Variants in CER1 observed in about 807,000 individuals in gnomAD.
CER1 encodes the protein cerberus.
CER1 carries 10 observed loss-of-function variants against 11.8 expected under a neutral mutation model. That is an observed-to-expected ratio of 0.85 (90% CI 0.52 to 1.44). The LOEUF is 1.44. CER1 is among the 40% of genes most tolerant of loss of function. The pLI, the probability that CER1 is intolerant of heterozygous loss-of-function variation, is 0.00. For missense variants in CER1, 431 were observed against 327.0 expected (o/e 1.32, Z -2.45); for synonymous variants, 141 against 122.3 (o/e 1.15, Z -1.01).
chr9:14,722,103 A>G (rs1263004906), intron 1 of CER1, 63 bp downstream of exon 1: 1 of 1,536,268 alleles, frequency 6.5e-7, no homozygotes, highest in Non-Finnish European at 8.8e-7. Context: ...CCTACTCTCC[A>G]TCCATCCCAG....
At position 14,720,393 on chromosome 9, in the gene CER1, A is replaced by G. The variant is rs999315446; in HGVS notation, c.508-7T>C. On this transcript the variant is annotated splice_region_variant and splice_polypyrimidine_tract_variant and intron_variant, in intron 1 of 1. Transcript: ENST00000380911. Reference sequence around the variant, plus strand: ...AGCCTTCGTGGGTTATAGTCTAAAAAGCAAACACATTTCCATTACGTTATT... The same window carrying G: ...AGCCTTCGTGGGTTATAGTCTAAAAGGCAAACACATTTCCATTACGTTATT... The G allele has an allele frequency of 1.1e-5, 17 of 1,602,040 alleles. No individual in the cohort carries two copies. Among genetic ancestry groups the G allele is most frequent in the Non-Finnish European group, 1.4e-5 (16 of 1,170,984 alleles).
downstream of CER1, among the ~76,000 whole-genome samples, chr9:14,719,540 TGCCTGCCTGCCTGCCTG>T (rs1352493611): frequency 2.5e-3 from 154 of 62,682 alleles, no homozygotes; most frequent in African/African-American, 0.014. Flanking sequence ...CCTGCCTGCC[TGCCTGCCTGCCTGCCTG>T]CCTGCCTTCC....
intron 1 of CER1, 90 bp downstream of exon 1, chr9:14,722,076 T>G (rs1289428713): frequency 1.4e-6 from 2 of 1,419,010 alleles, no homozygotes; most frequent in Non-Finnish European, 1.9e-6. Flanking sequence ...AGAGTCAGGC[T>G]CCTGACAGCC....
chr9:14,720,664 C>G (rs1839997069), intron 1 of CER1, among the ~76,000 whole-genome samples: 1 of 152,164 alleles, frequency 6.6e-6, no homozygotes, highest in Non-Finnish European at 1.5e-5. Flanking sequence ...AAACCTTAAG[C>G]AATTTTGTCT....
chr9:14,722,364 C>T lies in CER1; in HGVS notation c.309G>A (p.Glu103=), dbSNP rs1840026392. The T allele has an allele frequency of 3.7e-6, 6 of 1,614,206 alleles. No individual in the cohort carries two copies. In the African/African-American group the frequency reaches 6.7e-5, roughly 18 times the overall value. The part of the protein sequence containing the change: ...EMHPSRDSDS[E]PFPPGTQSLI... Reference sequence around the variant, plus strand: ...GGGACTGGGTCCCAGGTGGGAAGGGCTCACTATCTGAGTCCCTGGATGGAT... The same window carrying T: ...GGGACTGGGTCCCAGGTGGGAAGGGTTCACTATCTGAGTCCCTGGATGGAT... The change falls in exon 1 of 2, where the codon GAG becomes GAA. Residue 103 remains glutamate, a synonymous_variant. Coordinates refer to ENST00000380911, the MANE Select transcript of CER1 (RefSeq NM_005454.3).
At position 14,722,234 on chromosome 9, in the gene CER1, C is replaced by T. The variant is rs1840023448; in HGVS notation, c.439G>A (p.Gly147Arg). Residue 147 changes from glycine (G) to arginine (R), a missense_variant, in exon 1 of 2, where the codon GGG becomes AGG. Physicochemically the swap from Gly to Arg is moderately radical, Grantham distance 125. Transcript: ENST00000380911. Reference protein sequence around the residue: ...FMFRKTPASQGVILPIKSHEV... With the variant: ...FMFRKTPASQRVILPIKSHEV... ...TGGCTTTTGATGGGCAAGATGACCC[C>T]CTGAGAAGCCGGAGTTTTTCTGAAC... 2.5e-6 allele frequency: 4 copies of T among 1,614,212 alleles called. No individual in the cohort carries two copies. The highest frequency in any genetic ancestry group is 1.1e-5 in the South Asian group (1 of 91,074).
downstream of CER1, chr9:14,719,583 C>CTTCCTTCT (rs1563780034): frequency 1.3e-4 from 17 of 135,108 alleles, no homozygotes; most frequent in South Asian, 2.2e-4. Flanking sequence ...TCCTTCCTTC[C>CTTCCTTCT]TTCCTTCCTT....
downstream of CER1, among the ~76,000 whole-genome samples, chr9:14,719,553 GCCTGCCTGCCTT>G (rs1243800827): frequency 0.098 from 12,078 of 122,882 alleles, 614 homozygotes; most frequent in African/African-American, 0.11. Flanking sequence ...CTGCCTGCCT[GCCTGCCTGCCTT>G]CCTTCCTTCC....
At position 14,720,385 on chromosome 9, in the gene CER1, G is replaced by A; in HGVS notation, c.509C>T (p.Thr170Ile). ...ETCRTVPFSQ[T>I]ITHEGCEKVV... ...TTTTTCACAGCCTTCGTGGGTTATA[G>A]TCTAAAAAGCAAACACATTTCCATT... Residue 170 changes from threonine to isoleucine, a missense_variant and splice_region_variant, in exon 2 of 2, where the codon ACT becomes ATT. By Grantham distance (89) the Thr-to-Ile change is moderately conservative. Transcript: ENST00000380911. 1 of 1,605,962 alleles carries A rather than the reference G, an allele frequency of 6.2e-7. No individual in the cohort carries two copies. The highest frequency in any genetic ancestry group is 1.9e-4 in the Middle Eastern group (1 of 5,190).
At chr9:14,719,527 G>C (rs918891264), downstream of CER1, among the ~76,000 whole-genome samples, 13 of 120,944 alleles carry the variant, frequency 1.1e-4, no homozygotes, top group African/African-American at 2.0e-4. Flanking sequence ...GCCTGCCTGC[G>C]TGCCTGCCTG....
chr9:14,722,054 T>C, intron 1 of CER1, 112 bp downstream of exon 1: 2 of 1,242,604 alleles, frequency 1.6e-6, no homozygotes, highest in Non-Finnish European at 2.2e-6. Flanking sequence ...GGACCAAATC[T>C]GTAGTTAAGC....
At chr9:14,717,910 G>C (rs1370148853), downstream of CER1, among the ~76,000 whole-genome samples, 1 of 152,166 alleles carries the variant, frequency 6.6e-6, no homozygotes, top group East Asian at 1.9e-4. Flanking sequence ...TATAGTTTTT[G>C]TGAGGATTAA....
chr9:14,720,400 A>C lies in CER1; in HGVS notation c.508-14T>G, dbSNP rs1272120703. 6.3e-7 allele frequency: 1 copy of C among 1,596,848 alleles called. No homozygotes were observed. Among genetic ancestry groups the C allele is most frequent in the Non-Finnish European group, 8.6e-7 (1 of 1,166,988 alleles). On this transcript the variant is annotated splice_polypyrimidine_tract_variant and intron_variant, in intron 1 of 1. Transcript: ENST00000380911. ...GTGGGTTATAGTCTAAAAAGCAAAC[A>C]CATTTCCATTACGTTATTTTGAATT... is the stretch of plus-strand genomic sequence containing the variant.
In CER1 at chr9:14,719,818, C is replaced by A; in HGVS notation, c.*272G>T. On this transcript the variant is annotated 3_prime_UTR_variant, in exon 2 of 2. Transcript: ENST00000380911. ...AAAGGATTTTAGCAATCATCTAGGT[C>A]GGGTCCGTCATTTATAGATGAAAAT... is the stretch of plus-strand genomic sequence containing the variant. 5.2e-6 allele frequency: 2 copies of A among 387,630 alleles called. No individual in the cohort carries two copies. The highest frequency in any genetic ancestry group is 7.8e-5 in the South Asian group (2 of 25,704). 24.0% of individuals were successfully genotyped at this position (387,630 alleles called of 1,614,324 possible).
At chr9:14,721,455 G>A (rs1004099833) in intron 1 of CER1, among the ~76,000 whole-genome samples, 3 of 152,126 alleles carry the variant, frequency 2.0e-5, no homozygotes, top group African/African-American at 7.2e-5. Context: ...CTAAGGGGAG[G>A]AGATATGATC....
In CER1 at chr9:14,722,563, C is replaced by A. The variant is rs752916411; in HGVS notation, c.110G>T (p.Arg37Met). Residue 37 changes from arginine to methionine, a missense_variant, in exon 1 of 2, where the codon AGG becomes ATG. Arg to Met is a moderately conservative substitution (Grantham distance 91, BLOSUM62 -1). Transcript: ENST00000380911. Reference protein sequence around the residue: ...QSSLSPVLLPRNQRELPTGNH... With the variant: ...QSSLSPVLLPMNQRELPTGNH... Reference sequence around the variant, plus strand: ...GCCTGTGGGAAGCTCTCTTTGATTCCTTGGCAGGAGTACGGGGGAAAGAGA... The same window carrying A: ...GCCTGTGGGAAGCTCTCTTTGATTCATTGGCAGGAGTACGGGGGAAAGAGA... 2.5e-6 allele frequency: 4 copies of A among 1,614,050 alleles called. No individual in the cohort carries two copies. Among genetic ancestry groups the A allele is most frequent in the Non-Finnish European group, 3.4e-6 (4 of 1,180,042 alleles).
At chr9:14,721,983 GA>G (rs764667057) in intron 1 of CER1, among the ~76,000 whole-genome samples, 182 bp downstream of exon 1, 3 of 152,138 alleles carry the variant, frequency 2.0e-5, no homozygotes, top group East Asian at 3.9e-4. Context: ...ACAATGCCAA[GA>G]AAAAATGGAA....
Position 14,720,060 on chromosome 9 carries a change from G to T in CER1, c.*30C>A. ...TCAGCATCTTTGCTGTTGTGGTTTT[G>T]CTTTTCAAAGGTAATAGTGGGATAG... On this transcript the variant is annotated 3_prime_UTR_variant, in exon 2 of 2. Transcript: ENST00000380911. 2.5e-6 allele frequency: 4 copies of T among 1,595,034 alleles called. No homozygotes were observed. The highest frequency in any genetic ancestry group is 3.4e-6 in the Non-Finnish European group (4 of 1,164,120).
chr9:14,722,372 C>G lies in CER1; in HGVS notation c.301G>C (p.Asp101His). 3 of 1,614,208 alleles carry G rather than the reference C, an allele frequency of 1.9e-6. No homozygotes were observed. Among genetic ancestry groups the G allele is most frequent in the Non-Finnish European group, 2.5e-6 (3 of 1,180,032 alleles). ...EREMHPSRDSDSEPFPPGTQS... is the reference protein window; with the variant it reads ...EREMHPSRDSHSEPFPPGTQS... Reference sequence around the variant, plus strand: ...GTCCCAGGTGGGAAGGGCTCACTATCTGAGTCCCTGGATGGATGCATTTCT... The same window carrying G: ...GTCCCAGGTGGGAAGGGCTCACTATGTGAGTCCCTGGATGGATGCATTTCT... The change falls in exon 1 of 2, where the codon GAT (aspartate) becomes CAT (histidine). Residue 101 changes from aspartate (D) to histidine (H), a missense_variant. Asp to His is a moderately conservative substitution (Grantham distance 81, BLOSUM62 -1). Transcript: ENST00000380911.
Sources: gnomAD v4.1 joint callset for allele counts (sites outside exome capture counted in the v4.1 genomes callset) on GRCh38, gnomAD v4.1.1 for gene constraint, MANE v1.5 for transcripts, NCBI Gene and HGNC (gene_info 2026-07-23, HGNC 2026-07-21) for gene names.